The following SCLT1 variants were observed in gnomAD, a reference collection of about 807,000 sequenced individuals.
SCLT1 encodes the protein sodium channel and clathrin linker 1.
In SCLT1, 78 loss-of-function variants were observed where a neutral mutation model predicts 112.8. The ratio of observed to expected loss-of-function variants is 0.69; its 90% CI spans 0.58 to 0.83. SCLT1 has a LOEUF of 0.83. SCLT1 is among the 40% of genes least tolerant of loss of function. The pLI is 0.00. For missense variants in SCLT1, 747 were observed against 770.4 expected, an observed-to-expected ratio of 0.97 and a Z score of 0.36; for synonymous variants, 257 against 254.7, an observed-to-expected ratio of 1.01 and a Z score of -0.09.
intron 5 of SCLT1, among the ~76,000 whole-genome samples, chr4:129,009,428 G>A (rs1028188319): frequency 1.3e-5 from 2 of 151,772 alleles, no homozygotes; most frequent in African/African-American, 4.8e-5. Flanking sequence ...GCAGGAGAAT[G>A]GTGTGAACCC....
rs770901348 is a variant in SCLT1, at chr4:128,888,712, C to G, written c.1971G>C (p.Gln657His). Residue 657 changes from glutamine to histidine, a missense_variant, in exon 20 of 21, where the codon CAG (glutamine) becomes CAC (histidine). Gln to His is a conservative substitution (Grantham distance 24). Transcript: ENST00000281142. ...KANRLQRRLS[Q>H]AEERAASASQ... ...AAGCTGAAGCAGCTCTCTCTTCTGCCTGACTTAGACGCCTTTGAAGTCTGT... is the reference window on the plus strand; with the variant it reads ...AAGCTGAAGCAGCTCTCTCTTCTGCGTGACTTAGACGCCTTTGAAGTCTGT... 3.1e-6 allele frequency: 5 copies of G among 1,612,960 alleles called. No individual in the cohort carries two copies. The highest frequency in any genetic ancestry group is 3.4e-6 in the Non-Finnish European group (4 of 1,179,330).
At chr4:128,994,591 CTG>C (rs1349554475) in intron 8 of SCLT1, among the ~76,000 whole-genome samples, 1 of 152,098 alleles carries the variant, frequency 6.6e-6, no homozygotes, top group Non-Finnish European at 1.5e-5. Context: ...AAACTCTATA[CTG>C]TGTTCCATGG....
chr4:129,068,214 A>ATG (rs758980316), intron 2 of SCLT1, among the ~76,000 whole-genome samples: 40 of 151,468 alleles, frequency 2.6e-4, no homozygotes, highest in Admixed American at 5.3e-4. Flanking sequence ...ATATATATGT[A>ATG]TGTGTGTGTG....
Position 128,946,074 on chromosome 4 carries a change from G to C in SCLT1, c.1372C>G (p.Arg458Gly), listed in dbSNP as rs767602025. The stretch of plus-strand genomic sequence containing the variant: ...CTTAGCTGAAGATCATCTTTTGAAC[G>C]CTCTGAAACCAGGAATCTTTGGTGC... Reference protein sequence around the residue: ...EMHQRFLVSERSKDDLQLRLT... With the variant: ...EMHQRFLVSEGSKDDLQLRLT... Residue 458 changes from arginine to glycine, a missense_variant, in exon 16 of 21, where the codon CGT (arginine) becomes GGT (glycine). This residue lies in a region of SCLT1 where 723 missense variants were observed against 721.3 expected (regional missense o/e 1.00). Transcript: ENST00000281142. 2 of 1,608,202 alleles carry C rather than the reference G, an allele frequency of 1.2e-6. No individual in the cohort carries two copies. Among genetic ancestry groups the C allele is most frequent in the Admixed American group, 3.3e-5 (2 of 59,916 alleles).
At chr4:129,030,839 C>T (rs1746646875) in intron 5 of SCLT1, among the ~76,000 whole-genome samples, 1 of 151,994 alleles carries the variant, frequency 6.6e-6, no homozygotes, top group Admixed American at 6.6e-5. Flanking sequence ...CTCAAACAAG[C>T]CCAGGACCAG....
At chr4:129,021,702 A>G (rs1745489487) in intron 5 of SCLT1, among the ~76,000 whole-genome samples, 2 of 152,300 alleles carry the variant, frequency 1.3e-5, no homozygotes, top group South Asian at 4.1e-4. Context: ...CCATTGCCCT[A>G]AGGAAGGGGC....
chr4:128,913,415 G>C (rs1735243720), intron 18 of SCLT1, among the ~76,000 whole-genome samples: 1 of 152,196 alleles, frequency 6.6e-6, no homozygotes, highest in African/African-American at 2.4e-5. Context: ...GCCTAAAAGG[G>C]ATGATGGGGG....
chr4:129,048,173 C>G (rs1406858074), intron 2 of SCLT1, among the ~76,000 whole-genome samples: 5 of 152,134 alleles, frequency 3.3e-5, no homozygotes, highest in Non-Finnish European at 7.3e-5. Flanking sequence ...ATCACCAAGT[C>G]AATCCTAAGC....
At chr4:129,072,044 G>A (rs1751059254) in intron 2 of SCLT1, among the ~76,000 whole-genome samples, 1 of 152,130 alleles carries the variant, frequency 6.6e-6, no homozygotes, top group African/African-American at 2.4e-5. Flanking sequence ...TTGTTTGCCT[G>A]AAAATGACTG....
Position 128,903,272 on chromosome 4 carries a change from A to C in SCLT1, c.1830-12135T>G, listed in dbSNP as rs942142949. 3.3e-5 allele frequency among the ~76,000 whole-genome samples: 5 copies of C among 152,286 alleles called. No homozygotes were observed. The East Asian group carries it at 9.6e-4, about 29-fold the overall frequency. ...CATAAACACCTGAGTAATGCATTGCACTAAGACATTATAACAGCTATGACG... is the reference window on the plus strand; with the variant it reads ...CATAAACACCTGAGTAATGCATTGCCCTAAGACATTATAACAGCTATGACG... On this transcript the variant is annotated intron_variant, in intron 18 of 20. Transcript: ENST00000281142.
At chr4:128,882,760 A>G (rs1192053141), downstream of SCLT1, among the ~76,000 whole-genome samples, 1 of 152,202 alleles carries the variant, frequency 6.6e-6, no homozygotes, top group Non-Finnish European at 1.5e-5. Flanking sequence ...TGCACTATTA[A>G]GAGCAATATA....
chr4:129,028,810 T>C lies in SCLT1; in HGVS notation c.290+10231A>G, dbSNP rs1384363610. On this transcript the variant is annotated intron_variant, in intron 5 of 20. Coordinates refer to ENST00000281142, the MANE Select transcript of SCLT1 (RefSeq NM_144643.4). ...AAAGGCTAATATCCAGAATCTACAA[T>C]GAACTCCAACAAATTTACAACAAAA... Among the ~76,000 whole-genome samples, 3 of 151,634 alleles carry C rather than the reference T, an allele frequency of 2.0e-5. No individual in the cohort carries two copies. The East Asian group carries it at 5.8e-4, about 29-fold the overall frequency.
intron 18 of SCLT1, among the ~76,000 whole-genome samples, chr4:128,928,825 TCC>T (rs1736519824): frequency 1.1e-5 from 1 of 91,216 alleles, no homozygotes; most frequent in East Asian, 3.1e-4. Flanking sequence ...AGAGCGAAAC[TCC>T]GTCTCGCAAA....
chr4:128,996,056 G>T (rs188924968), intron 8 of SCLT1, among the ~76,000 whole-genome samples: 6 of 151,970 alleles, frequency 3.9e-5, no homozygotes, highest in African/African-American at 1.4e-4. Flanking sequence ...GGTGATGAAT[G>T]CACATACCTA....
chr4:129,006,375 T>C (rs1744022047), intron 5 of SCLT1, among the ~76,000 whole-genome samples: 1 of 151,690 alleles, frequency 6.6e-6, no homozygotes, highest in Admixed American at 6.6e-5. Context: ...CCGTCTCTAC[T>C]AAAAATACAA....
intron 18 of SCLT1, among the ~76,000 whole-genome samples, chr4:128,930,512 T>C (rs1179457248): frequency 6.6e-6 from 1 of 152,202 alleles, no homozygotes; most frequent in Non-Finnish European, 1.5e-5. Context: ...TTGGGGTAAT[T>C]TGTTACATAG....
chr4:128,972,459 A>C (rs189197905), intron 9 of SCLT1: 1 of 151,862 alleles, frequency 6.6e-6, no homozygotes, highest in African/African-American at 2.4e-5. Flanking sequence ...TGTTGGAGAC[A>C]CAGGAAGCAA....
At chr4:129,079,289 T>C (rs1192132586) in intron 2 of SCLT1, among the ~76,000 whole-genome samples, 1 of 152,184 alleles carries the variant, frequency 6.6e-6, no homozygotes, top group African/African-American at 2.4e-5. Context: ...CAAAGTCTCA[T>C]CTGAGACAAG....
chr4:129,045,903 T>C (rs1272048998), intron 2 of SCLT1, among the ~76,000 whole-genome samples: 3 of 152,044 alleles, frequency 2.0e-5, no homozygotes, highest in Admixed American at 1.3e-4. Flanking sequence ...AAACAATTTA[T>C]AGTCCTTATC....
Sources: gnomAD v4.1 joint callset for allele counts (sites outside exome capture counted in the v4.1 genomes callset) on GRCh38, gnomAD v4.1.1 for gene constraint, gnomAD v4.1.1 regional missense constraint, MANE v1.5 for transcripts, NCBI Gene and HGNC (gene_info 2026-07-23, HGNC 2026-07-21) for gene names.